ZBTB4: variants seen among roughly 807,000 people sequenced by gnomAD.
ZBTB4 encodes the protein zinc finger and BTB domain-containing protein 4.
ZBTB4 carries 14 observed loss-of-function variants against 59.8 expected under a neutral mutation model. The observed-to-expected ratio is 0.23, with a 90% CI of 0.15 to 0.37. The LOEUF is 0.37. Among genes scored for constraint, ZBTB4 ranks in the 10% least tolerant of loss-of-function variants. The pLI, the probability that ZBTB4 is intolerant of heterozygous loss-of-function variation, is 1.00. For synonymous variants in ZBTB4, 587 were observed against 575.2 expected, an observed-to-expected ratio of 1.02 and a Z score of -0.29; for missense variants, 1,198 against 1,380.8, an observed-to-expected ratio of 0.87 and a Z score of 2.10.
At chr17:7,482,705 C>T, upstream of ZBTB4, 2 of 1,612,032 alleles carry the variant, frequency 1.2e-6, no homozygotes, top group Non-Finnish European at 1.7e-6. Flanking sequence ...CCTCTTTGTG[C>T]TGCAGCCCCC....
upstream of ZBTB4, chr17:7,481,355 G>T: frequency 8.6e-7 from 1 of 1,157,302 alleles, no homozygotes; most frequent in Non-Finnish European, 1.1e-6. Flanking sequence ...AAGAAAGAAA[G>T]AAAAGAAGCA....
chr17:7,483,883 C>T (rs564510847), upstream of ZBTB4: 1 of 152,486 alleles, frequency 6.6e-6, no homozygotes, highest in Admixed American at 6.5e-5. Context: ...ACATCGGCTA[C>T]TTCCGGACAA....
intron 1 of ZBTB4, among the ~76,000 whole-genome samples, chr17:7,469,012 C>T (rs1050319799): frequency 6.6e-6 from 1 of 152,116 alleles, no homozygotes; most frequent in Non-Finnish European, 1.5e-5. Context: ...CGGAAGGGGC[C>T]TCACTGCATT....
Position 7,461,817 on chromosome 17 carries a change from G to T in ZBTB4, c.*123C>A. 2 of 819,710 alleles carry T rather than the reference G, an allele frequency of 2.4e-6. No individual in the cohort carries two copies. The highest frequency in any genetic ancestry group is 3.7e-6 in the Non-Finnish European group (2 of 536,336). The allele number at this position is 819,710 out of a possible 1,614,324, so 50.8% of individuals were successfully genotyped here. On this transcript the variant is annotated 3_prime_UTR_variant, in exon 4 of 4. Coordinates refer to ENST00000380599, the MANE Select transcript of ZBTB4 (RefSeq NM_001128833.2). Reference sequence around the variant, plus strand: ...GCAGCCTGACCCCTGAGCTCCAGGGGCCCCCAAGTCCCTGCACAAGAGTGT... The same window carrying T: ...GCAGCCTGACCCCTGAGCTCCAGGGTCCCCCAAGTCCCTGCACAAGAGTGT...
In ZBTB4 at chr17:7,463,412, G is replaced by A; in HGVS notation, c.1570C>T (p.Pro524Ser). The A allele has an allele frequency of 1.9e-6, 3 of 1,578,920 alleles. No individual in the cohort carries two copies. The highest frequency in any genetic ancestry group is 1.2e-5 in the South Asian group (1 of 86,432). ...PRPPKKREYPPPPPEPAATPT... is the reference protein window; with the variant it reads ...PRPPKKREYPSPPPEPAATPT... The stretch of plus-strand genomic sequence containing the variant: ...GTGGCTGCAGGCTCAGGGGGAGGAG[G>A]TGGGTATTCTCGTTTCTTGGGTGGC... The change falls in exon 4 of 4, where the codon CCT becomes TCT. Residue 524 changes from proline to serine, a missense_variant. Physicochemically the swap from Pro to Ser is moderately conservative, Grantham distance 74. Coordinates refer to ENST00000380599, the MANE Select transcript of ZBTB4 (RefSeq NM_001128833.2).
chr17:7,484,135 T>G (rs2070382621), upstream of ZBTB4: 1 of 152,476 alleles, frequency 6.6e-6, no homozygotes, highest in South Asian at 2.0e-4. Flanking sequence ...ACCTTAAGCC[T>G]CAGTGCAAAA....
chr17:7,462,374 G>A lies in ZBTB4; in HGVS notation c.2608C>T (p.Pro870Ser), dbSNP rs755717774. ...VVASGGSYVY[P>S]PVQEFPLALI... ...GCCAGTGGAAATTCCTGCACAGGTG[G>A]GTATACATAGCTGCCCCCGCTTGCC... Residue 870 changes from proline (P) to serine (S), a missense_variant, in exon 4 of 4, where the codon CCA becomes TCA. By Grantham distance (74) the Pro-to-Ser change is moderately conservative. Transcript: ENST00000380599. This position sits in a 1 kb window ranked among gnomAD's most constrained non-coding sequence, Gnocchi z 7.5. 3 of 1,613,782 alleles carry A rather than the reference G, an allele frequency of 1.9e-6. No individual in the cohort carries two copies. The highest frequency in any genetic ancestry group is 1.7e-5 in the Admixed American group (1 of 59,996).
intron 3 of ZBTB4, among the ~76,000 whole-genome samples, chr17:7,464,152 T>C (rs1474979695): frequency 6.6e-6 from 1 of 152,128 alleles, no homozygotes; most frequent in Non-Finnish European, 1.5e-5. Context: ...AATGGCAGAA[T>C]GGGGAAACGA....
chr17:7,477,466 C>A (rs932417447), intron 1 of ZBTB4, among the ~76,000 whole-genome samples: 1 of 152,202 alleles, frequency 6.6e-6, no homozygotes, highest in Non-Finnish European at 1.5e-5. Context: ...TCCCAGCCCC[C>A]CATGCCGGAG....
At chr17:7,473,152 G>A (rs1436455843) in intron 1 of ZBTB4, among the ~76,000 whole-genome samples, 8 of 132,848 alleles carry the variant, frequency 6.0e-5, no homozygotes, top group African/African-American at 8.7e-5. Context: ...TCGCTCTGTC[G>A]CCCAGGCTGG....
Position 7,462,213 on chromosome 17 carries a change from C to G in ZBTB4, c.2769G>C (p.Pro923=). ...CAAGGAGCTGGGGGCCATAGACGAGCGGGTAGGGCTCAGGGTAGAAAGTGA... is the reference window on the plus strand; with the variant it reads ...CAAGGAGCTGGGGGCCATAGACGAGGGGGTAGGGCTCAGGGTAGAAAGTGA... ...AKVTFYPEPY[P]LVYGPQLLAA... The change falls in exon 4 of 4, where the codon CCG becomes CCC. Residue 923 remains proline, a synonymous_variant. Coordinates refer to ENST00000380599, the MANE Select transcript of ZBTB4 (RefSeq NM_001128833.2). The surrounding 1 kb of genome is among the most constrained non-coding windows in gnomAD (Gnocchi z 7.5). 6.2e-7 allele frequency: 1 copy of G among 1,613,694 alleles called. No homozygotes were observed. The highest frequency in any genetic ancestry group is 8.5e-7 in the Non-Finnish European group (1 of 1,179,804).
chr17:7,480,344 C>T (rs75553958), upstream of ZBTB4, among the ~76,000 whole-genome samples: 69 of 152,302 alleles, frequency 4.5e-4, no homozygotes, highest in East Asian at 5.8e-3. Context: ...TCCACAGGGA[C>T]AATCCCAAGA....
chr17:7,462,897 T>C lies in ZBTB4; in HGVS notation c.2085A>G (p.Pro695=), dbSNP rs1431888068. ...GGSGLPRGRR[P]PRWRQKLERR... ...GTTCCAGCTTCTGCCTCCAACGTGG[T>C]GGCCGGCGGCCTCGGGGCAGCCCAC... is the stretch of plus-strand genomic sequence containing the variant. Residue 695 remains proline (P), a synonymous_variant, in exon 4 of 4, where the codon CCA becomes CCG. Coordinates refer to ENST00000380599, the MANE Select transcript of ZBTB4 (RefSeq NM_001128833.2). This position sits in a 1 kb window ranked among gnomAD's most constrained non-coding sequence, Gnocchi z 7.5. The C allele has an allele frequency of 1.2e-6, 2 of 1,608,388 alleles. No homozygotes were observed. Among genetic ancestry groups the C allele is most frequent in the Admixed American group, 1.7e-5 (1 of 59,990 alleles).
At chr17:7,479,907 C>G (rs1041943516), upstream of ZBTB4, among the ~76,000 whole-genome samples, 1 of 151,972 alleles carries the variant, frequency 6.6e-6, no homozygotes, top group Non-Finnish European at 1.5e-5. Flanking sequence ...AGGGCTCCCT[C>G]CGCCCTTCCT....
rs778652678 is a variant in ZBTB4, at chr17:7,461,747, G to A, written c.*193C>T. 19 of 475,212 alleles carry A rather than the reference G, an allele frequency of 4.0e-5. No homozygotes were observed. Among genetic ancestry groups the A allele is most frequent in the Admixed American group, 1.9e-4 (5 of 26,146 alleles). The allele number at this position is 475,212 out of a possible 1,614,324, so 29.4% of individuals were successfully genotyped here. The stretch of plus-strand genomic sequence containing the variant: ...GGAGGAAGACTGAGAGGGGAACCTC[G>A]AAAGATCCCTTCCCAGGAGATGGGA... On this transcript the variant is annotated 3_prime_UTR_variant, in exon 4 of 4. Transcript: ENST00000380599.
chr17:7,471,755 G>A (rs778374098), intron 1 of ZBTB4, among the ~76,000 whole-genome samples: 9 of 152,108 alleles, frequency 5.9e-5, no homozygotes, highest in Non-Finnish European at 1.3e-4. Context: ...ACCTTGTGGG[G>A]TTGTTGTAAA....
At chr17:7,480,735 AC>A (rs928855370), upstream of ZBTB4, among the ~76,000 whole-genome samples, 1 of 151,906 alleles carries the variant, frequency 6.6e-6, no homozygotes, top group African/African-American at 2.4e-5. Context: ...AAAAACAACA[AC>A]AAAAAAACCT....
chr17:7,481,430 C>T (rs2070343866), upstream of ZBTB4: 7 of 1,380,414 alleles, frequency 5.1e-6, no homozygotes, highest in South Asian at 1.3e-4. Flanking sequence ...AAGAACCCCA[C>T]CCCCACTCCA....
At chr17:7,481,669 CATA>C, upstream of ZBTB4, 1 of 656,048 alleles carries the variant, frequency 1.5e-6, no homozygotes, top group African/African-American at 1.8e-5. Flanking sequence ...CCTGTGGCAT[CATA>C]CAGATGCATA....
Sources: gnomAD v4.1 joint callset for allele counts (sites outside exome capture counted in the v4.1 genomes callset) on GRCh38, gnomAD v4.1.1 for gene constraint, Gnocchi (gnomAD v3.1) non-coding constraint, MANE v1.5 for transcripts, NCBI Gene and HGNC (gene_info 2026-07-23, HGNC 2026-07-21) for gene names.